The following ST3GAL3 variants were observed in gnomAD, a reference collection of about 807,000 sequenced individuals.
ST3GAL3 encodes ST3 beta-galactoside alpha-2,3-sialyltransferase 3, also known as CMP-N-acetylneuraminate-beta-1,4-galactoside alpha-2,3-sialyltransferase.
A neutral mutation model predicts 50.1 loss-of-function variants in ST3GAL3; 21 were observed. That is an observed-to-expected ratio of 0.42 (90% CI 0.30 to 0.60). The LOEUF (loss-of-function observed/expected upper bound fraction) is 0.60, where lower values mean the gene tolerates loss of function less well. ST3GAL3 is among the 20% of genes least tolerant of loss of function. The pLI is 0.19. For missense variants in ST3GAL3, 353 were observed against 489.4 expected, an observed-to-expected ratio of 0.72 and a Z score of 2.63; for synonymous variants, 183 against 190.0, an observed-to-expected ratio of 0.96 and a Z score of 0.30.
chr1:43,896,403 T>G (rs912210196), intron 6 of ST3GAL3, among the ~76,000 whole-genome samples: 1 of 152,224 alleles, frequency 6.6e-6, no homozygotes, highest in Non-Finnish European at 1.5e-5. Flanking sequence ...ATAATAAGCA[T>G]TGATGTACCT....
At chr1:43,779,041 A>G (rs895318788) in intron 2 of ST3GAL3, among the ~76,000 whole-genome samples, 8 of 151,534 alleles carry the variant, frequency 5.3e-5, no homozygotes, top group African/African-American at 1.7e-4. Context: ...CTCCCAGTTC[A>G]AGTGATTCTC....
chr1:43,741,887 C>G (rs1243092320), intron 2 of ST3GAL3, among the ~76,000 whole-genome samples: 1 of 152,156 alleles, frequency 6.6e-6, no homozygotes, highest in African/African-American at 2.4e-5. Context: ...GGAGTCTAAA[C>G]AGGCTGTGAT....
chr1:43,805,566 G>A (rs2059775065), intron 3 of ST3GAL3, among the ~76,000 whole-genome samples: 1 of 152,224 alleles, frequency 6.6e-6, no homozygotes, highest in Non-Finnish European at 1.5e-5. Context: ...GCCAAGCATA[G>A]TGTTAGGTGA....
At chr1:43,852,693 G>A (rs1396364356) in intron 5 of ST3GAL3, among the ~76,000 whole-genome samples, 1 of 152,186 alleles carries the variant, frequency 6.6e-6, no homozygotes, top group East Asian at 1.9e-4. Flanking sequence ...TAATTATTGT[G>A]ACATATTCCA....
rs71579307 is a variant in ST3GAL3 at position 43,747,561 on chromosome 1, ATTT to A, written c.118+11202_118+11204del. 5.0e-3 allele frequency among the ~76,000 whole-genome samples: 453 copies of A among 90,582 alleles called. 6 individuals are homozygous for A. Among genetic ancestry groups the A allele is most frequent in the African/African-American group, 0.02 (409 of 20,914 alleles). The allele number at this position is 90,582 out of a possible 152,430, so 59.4% of individuals were successfully genotyped here. ...ACTCTGCAGACCCCATAGCTCAGGG[ATTT>A]TTTTTTTTTTTTTTTTTTTTGAGAT... On this transcript the variant is annotated intron_variant, in intron 2 of 11. Transcript: ENST00000347631.
Position 43,930,329 on chromosome 1 carries a change from AG to A in ST3GAL3, c.*112del, listed in dbSNP as rs1366990424. Reference sequence around the variant, plus strand: ...AGAGAAGGACGGTGCCAAGGGCCCCAGGGGCAGCAAGGCCTTGGTGGAGCAG... The same window carrying A: ...AGAGAAGGACGGTGCCAAGGGCCCCAGGGCAGCAAGGCCTTGGTGGAGCAG... On this transcript the variant is annotated 3_prime_UTR_variant, in exon 12 of 12. Coordinates refer to ENST00000347631, the MANE Select transcript of ST3GAL3 (RefSeq NM_006279.5). The A allele has an allele frequency of 1.9e-6, 2 of 1,050,604 alleles. No homozygotes were observed. Among genetic ancestry groups the A allele is most frequent in the Admixed American group, 3.5e-5 (2 of 57,852 alleles). 65.1% of individuals were successfully genotyped at this position (1,050,604 alleles called of 1,614,324 possible).
chr1:43,840,040 T>G (rs1012407324), intron 5 of ST3GAL3: 1 of 152,222 alleles, frequency 6.6e-6, no homozygotes, highest in Non-Finnish European at 1.5e-5. Context: ...CTTTTTTTTT[T>G]TTTTTTGAGA....
At chr1:43,881,103 C>G (rs867981185) in intron 5 of ST3GAL3, among the ~76,000 whole-genome samples, 1 of 152,012 alleles carries the variant, frequency 6.6e-6, no homozygotes, top group Non-Finnish European at 1.5e-5. Flanking sequence ...CTCCTCCTCC[C>G]GGGTTCAAGT....
chr1:43,917,186 A>G lies in ST3GAL3; in HGVS notation c.745-3218A>G, dbSNP rs542619493. On this transcript the variant is annotated intron_variant, in intron 9 of 11. Transcript: ENST00000347631. ...CCCTCAGCAGACTACCACTAGCACC[A>G]AGATATAGATACACAAATATACACA... Among the ~76,000 whole-genome samples the G allele has an allele frequency of 1.3e-4, 20 of 151,986 alleles. No individual in the cohort carries two copies. In the South Asian group the frequency reaches 3.9e-3, roughly 30 times the overall value.
chr1:43,808,973 C>G (rs771653458), intron 3 of ST3GAL3, among the ~76,000 whole-genome samples: 1 of 152,166 alleles, frequency 6.6e-6, no homozygotes, highest in Non-Finnish European at 1.5e-5. Flanking sequence ...TAGCCTTAGA[C>G]TAGCCTTTAA....
intron 5 of ST3GAL3, among the ~76,000 whole-genome samples, chr1:43,862,475 C>A (rs2070237980): frequency 6.6e-6 from 1 of 152,182 alleles, no homozygotes; most frequent in Non-Finnish European, 1.5e-5. Flanking sequence ...ACACTCCTTG[C>A]AGCTGGCTTG....
At chr1:43,891,367 C>A (rs759407615) in intron 5 of ST3GAL3, among the ~76,000 whole-genome samples, 4 of 152,184 alleles carry the variant, frequency 2.6e-5, no homozygotes, top group Non-Finnish European at 5.9e-5. Flanking sequence ...GTCAGGAGTT[C>A]AAGATCAGCC....
At chr1:43,926,282 G>A (rs956279774) in intron 11 of ST3GAL3, among the ~76,000 whole-genome samples, 1 of 152,138 alleles carries the variant, frequency 6.6e-6, no homozygotes, top group Admixed American at 6.5e-5. Flanking sequence ...ACGGTTGGGC[G>A]AGGAGCCAAA....
chr1:43,886,002 G>A (rs2075923136), intron 5 of ST3GAL3, among the ~76,000 whole-genome samples: 1 of 152,232 alleles, frequency 6.6e-6, no homozygotes, highest in African/African-American at 2.4e-5. Flanking sequence ...AGCGTTCCAT[G>A]ACACTCTGGG....
intron 5 of ST3GAL3, among the ~76,000 whole-genome samples, chr1:43,849,908 A>G (rs1347847344): frequency 6.6e-6 from 1 of 152,224 alleles, no homozygotes; most frequent in Non-Finnish European, 1.5e-5. Context: ...GGACAGGAGC[A>G]TTTCCTCTCT....
chr1:43,834,865 C>G (rs1315018619), intron 4 of ST3GAL3, among the ~76,000 whole-genome samples: 1 of 152,234 alleles, frequency 6.6e-6, no homozygotes, highest in Non-Finnish European at 1.5e-5. Context: ...TTTTCCATCA[C>G]TTGCTTGTCA....
At chr1:43,928,995 C>T (rs1052398132) in intron 11 of ST3GAL3, among the ~76,000 whole-genome samples, 1 of 152,062 alleles carries the variant, frequency 6.6e-6, no homozygotes, top group Non-Finnish European at 1.5e-5. Context: ...TGGGGACAAA[C>T]TCTGATAAGG....
intron 5 of ST3GAL3, among the ~76,000 whole-genome samples, chr1:43,843,502 T>A (rs1157398282): frequency 1.3e-5 from 2 of 152,236 alleles, no homozygotes; most frequent in African/African-American, 4.8e-5. Context: ...TTGGCTAAAA[T>A]TTTTCAAGGA....
chr1:43,782,229 T>C (rs1386299278), intron 2 of ST3GAL3, among the ~76,000 whole-genome samples: 1 of 152,182 alleles, frequency 6.6e-6, no homozygotes, highest in Non-Finnish European at 1.5e-5. Flanking sequence ...TATTTTCTCT[T>C]AGTCCTCACC....
Sources: gnomAD v4.1 joint callset for allele counts (sites outside exome capture counted in the v4.1 genomes callset) on GRCh38, gnomAD v4.1.1 for gene constraint, MANE v1.5 for transcripts, NCBI Gene and HGNC (gene_info 2026-07-23, HGNC 2026-07-21) for gene names.